Variants in COX14 observed in about 807,000 individuals in gnomAD.
The protein encoded by COX14 is cytochrome c oxidase assembly protein COX14.
Under a neutral mutation model 5.8 loss-of-function variants are expected in COX14, and 3 were observed. That is an observed-to-expected ratio of 0.51 (90% confidence interval 0.23 to 1.33). The LOEUF (loss-of-function observed/expected upper bound fraction) is 1.33. Among genes scored for constraint, COX14 ranks in the 40% most tolerant of loss-of-function variants. The pLI is 0.18. For synonymous variants in COX14, 25 were observed against 26.1 expected, an observed-to-expected ratio of 0.96 and a Z score of 0.13; for missense variants, 72 against 72.1, an observed-to-expected ratio of 1.00 and a Z score of 0.01.
At chr12:50,115,958 A>G (rs544612720) in intron 1 of COX14, among the ~76,000 whole-genome samples, 1 of 152,122 alleles carries the variant, frequency 6.6e-6, no homozygotes, top group Non-Finnish European at 1.5e-5. Flanking sequence ...AAAGTTTCCT[A>G]ACTTGGAGGT....
Position 50,114,472 on chromosome 12 carries a change from G to A in COX14, c.-9+2171G>A, listed in dbSNP as rs112669379. Among the ~76,000 whole-genome samples the A allele has an allele frequency of 1.0e-2, 1,514 of 152,026 alleles. 21 individuals carry two copies. The highest frequency in any genetic ancestry group is 0.035 in the African/African-American group (1,432 of 41,462). ...TTTCCGTGTTGGTCAGGCTGGTCTCGAGCTCCCAACCTCAGGTGATCCGCC... is the reference window on the plus strand; with the variant it reads ...TTTCCGTGTTGGTCAGGCTGGTCTCAAGCTCCCAACCTCAGGTGATCCGCC... On this transcript the variant is annotated intron_variant, in intron 1 of 1. Coordinates refer to ENST00000550487, the MANE Select transcript of COX14 (RefSeq NM_032901.4).
chr12:50,118,395 C>G, intron 1 of COX14: 1 of 983,552 alleles, frequency 1.0e-6, no homozygotes, highest in South Asian at 4.7e-5. Context: ...CAGTTTCTGT[C>G]AGTCTTCGTG....
intron 1 of COX14, 135 bp from the exon 2 acceptor site, chr12:50,119,901 A>G: frequency 1.5e-6 from 1 of 681,970 alleles, no homozygotes; most frequent in Non-Finnish European, 2.6e-6. Context: ...GACTTTACCT[A>G]GACATAGGGG....
intron 1 of COX14, among the ~76,000 whole-genome samples, chr12:50,117,717 G>A (rs1011364158): frequency 3.3e-5 from 5 of 150,460 alleles, no homozygotes; most frequent in Admixed American, 6.6e-5. Context: ...TAGCAGGGAC[G>A]CAGGCATGCA....
chr12:50,117,648 G>A (rs559319407), intron 1 of COX14, among the ~76,000 whole-genome samples: 16 of 149,562 alleles, frequency 1.1e-4, no homozygotes, highest in East Asian at 2.0e-4. Context: ...ATGCGATCTC[G>A]GCTCAACTGC....
rs998763308 is a variant in COX14, at chr12:50,120,296, C to G, written c.*79C>G. ...ACTTCACCTGCCACCATTTCCAGGT[C>G]AACAGGACTAGAGCGTTGATGGTTT... On this transcript the variant is annotated 3_prime_UTR_variant, in exon 2 of 2. Coordinates refer to ENST00000550487, the MANE Select transcript of COX14 (RefSeq NM_032901.4). 1.6e-6 allele frequency: 2 copies of G among 1,238,866 alleles called. No homozygotes were observed. Among genetic ancestry groups the G allele is most frequent in the Non-Finnish European group, 2.3e-6 (2 of 874,646 alleles). 76.7% of individuals were successfully genotyped at this position (1,238,866 alleles called of 1,614,324 possible). A position where few individuals can be genotyped will look rare whatever the true frequency, so the allele number is the denominator to read the frequency against.
intron 1 of COX14, among the ~76,000 whole-genome samples, chr12:50,116,137 T>A (rs1479575813): frequency 6.7e-6 from 1 of 149,678 alleles, no homozygotes; most frequent in Non-Finnish European, 1.5e-5. Context: ...CTGTCCCCCA[T>A]GCTGGAGTGC....
chr12:50,113,020 AG>A (rs939153376), intron 1 of COX14: 27 of 148,548 alleles, frequency 1.8e-4, no homozygotes, highest in African/African-American at 6.6e-4. Flanking sequence ...TTTTAAAAAA[AG>A]GTTTTTTTTT....
intron 1 of COX14, 130 bp from the exon 2 acceptor site, chr12:50,119,906 T>C (rs945025453): frequency 4.3e-6 from 3 of 704,002 alleles, no homozygotes; most frequent in Non-Finnish European, 7.6e-6. Context: ...TACCTAGACA[T>C]AGGGGCCATT....
In COX14 at chr12:50,115,550, A is replaced by G. The variant is rs867754643; in HGVS notation, c.-9+3249A>G. On this transcript the variant is annotated intron_variant, in intron 1 of 1. Transcript: ENST00000550487. ...ATTTTAACGTGTTCAAGCCCAGCTC[A>G]TGATCCTCCTTTTTTTTTTTTTGAG... Among the ~76,000 whole-genome samples the G allele has an allele frequency of 5.4e-5, 8 of 149,254 alleles. No individual in the cohort carries two copies. In the South Asian group the frequency reaches 1.5e-3, roughly 27 times the overall value.
chr12:50,120,084 C>T lies in COX14; in HGVS notation c.41C>T (p.Thr14Ile). The change falls in exon 2 of 2, where the codon ACC becomes ATC. Residue 14 changes from threonine to isoleucine, a missense_variant. By Grantham distance (89) the Thr-to-Ile change is moderately conservative. Transcript: ENST00000550487. ...GKQLADIGYK[T>I]FSTSMMLLTV... Reference sequence around the variant, plus strand: ...CAGCTAGCTGACATTGGCTATAAGACCTTCTCTACCTCCATGATGCTTCTC... The same window carrying T: ...CAGCTAGCTGACATTGGCTATAAGATCTTCTCTACCTCCATGATGCTTCTC... 1 of 1,614,000 alleles carries T rather than the reference C, an allele frequency of 6.2e-7. No individual in the cohort carries two copies. Among genetic ancestry groups the T allele is most frequent in the Non-Finnish European group, 8.5e-7 (1 of 1,179,928 alleles).
intron 1 of COX14, among the ~76,000 whole-genome samples, chr12:50,115,228 T>G (rs1196665790): frequency 1.3e-5 from 2 of 150,914 alleles, no homozygotes; most frequent in Admixed American, 1.3e-4. Context: ...TTTTTTTTTT[T>G]TTTTGAGACG....
At chr12:50,115,499 G>A (rs184880504) in intron 1 of COX14, among the ~76,000 whole-genome samples, 3 of 151,940 alleles carry the variant, frequency 2.0e-5, no homozygotes, top group African/African-American at 7.2e-5. Context: ...ACAGGCTTGA[G>A]CCACCGCGCC....
chr12:50,115,423 G>T (rs1951072371), intron 1 of COX14, among the ~76,000 whole-genome samples: 1 of 150,240 alleles, frequency 6.7e-6, no homozygotes, highest in South Asian at 2.1e-4. Flanking sequence ...CACCGTGTTA[G>T]CCAGGATGGT....
chr12:50,119,435 C>T (rs1951110793), intron 1 of COX14, among the ~76,000 whole-genome samples: 1 of 152,146 alleles, frequency 6.6e-6, no homozygotes, highest in African/African-American at 2.4e-5. Flanking sequence ...TGCCTGTACA[C>T]AATCCCAGCA....
intron 1 of COX14, chr12:50,113,030 T>G (rs10783334): frequency 0.33 from 49,158 of 150,814 alleles, 8,796 homozygotes; most frequent in East Asian, 0.72. Context: ...AGGTTTTTTT[T>G]TTGTTGTTGT....
At chr12:50,118,188 A>C (rs1951099852) in intron 1 of COX14, among the ~76,000 whole-genome samples, 1 of 151,630 alleles carries the variant, frequency 6.6e-6, no homozygotes, top group South Asian at 2.1e-4. Flanking sequence ...CTGGGATTAC[A>C]GGCATGCGCC....
intron 1 of COX14, among the ~76,000 whole-genome samples, chr12:50,114,543 C>T (rs1951061566): frequency 6.6e-6 from 1 of 151,712 alleles, no homozygotes; most frequent in Non-Finnish European, 1.5e-5. Context: ...TGAGCCACTG[C>T]GCCGGGCCTT....
chr12:50,120,139 C>T lies in COX14; in HGVS notation c.96C>T (p.Val32=). The change falls in exon 2 of 2, where the codon GTC becomes GTT. Residue 32 remains valine (V), a synonymous_variant. Coordinates refer to ENST00000550487, the MANE Select transcript of COX14 (RefSeq NM_032901.4). ...TGTATGGGGGGTACCTCTGCAGTGTCCGAGTCTACCACTATTTCCAGTGGC... is the reference window on the plus strand; with the variant it reads ...TGTATGGGGGGTACCTCTGCAGTGTTCGAGTCTACCACTATTTCCAGTGGC... ...LTVYGGYLCS[V]RVYHYFQWRR... is the part of the protein sequence containing the mutation. 2 of 1,614,162 alleles carry T rather than the reference C, an allele frequency of 1.2e-6. No individual in the cohort carries two copies. Among genetic ancestry groups the T allele is most frequent in the Non-Finnish European group, 8.5e-7 (1 of 1,179,998 alleles).
Sources: allele counts gnomAD v4.1 joint callset (sites outside exome capture counted in the v4.1 genomes callset), GRCh38; gene constraint gnomAD v4.1.1; transcripts MANE v1.5; gene names NCBI Gene and HGNC (gene_info 2026-07-23, HGNC 2026-07-21).